The following NHSL1 variants were observed in gnomAD, a reference collection of about 807,000 sequenced individuals.
The protein encoded by NHSL1 is NHS like 1.
NHSL1 carries 48 observed loss-of-function variants against 95.0 expected under a neutral mutation model. That is an observed-to-expected ratio of 0.51 (90% CI 0.40 to 0.64). The LOEUF is 0.64. Ranked by LOEUF, NHSL1 falls within the 30% of genes least tolerant of loss-of-function variation. NHSL1 has a pLI of 0.00. For synonymous variants in NHSL1, 783 were observed against 833.9 expected (o/e 0.94, Z 1.05); for missense variants, 1,971 against 2,077.7 (o/e 0.95, Z 1.00).
chr6:138,433,691 A>G lies in NHSL1; in HGVS notation c.665-11T>C. 1 of 1,510,922 alleles carries G rather than the reference A, an allele frequency of 6.6e-7. No homozygotes were observed. Among genetic ancestry groups the G allele is most frequent in the Non-Finnish European group, 8.9e-7 (1 of 1,121,490 alleles). The allele number at this position is 1,510,922 out of a possible 1,614,324, so 93.6% of individuals were successfully genotyped here. A position where few individuals can be genotyped will look rare whatever the true frequency, so the allele number is the denominator to read the frequency against. On this transcript the variant is annotated splice_polypyrimidine_tract_variant and intron_variant, in intron 5 of 7. Transcript: ENST00000343505. ...GGCCAGTGCCTGATGCTGGAGATAA[A>G]GCAGAAAGAGGCTTGTTACCTGAAA...
At chr6:138,588,084 C>T (rs1310776671) in intron 1 of NHSL1, among the ~76,000 whole-genome samples, 2 of 152,260 alleles carry the variant, frequency 1.3e-5, no homozygotes, top group African/African-American at 4.8e-5. Context: ...CTAGCAGGTA[C>T]TCCATAAAAC....
chr6:138,533,273 A>T (rs1023197013), intron 1 of NHSL1, among the ~76,000 whole-genome samples: 1 of 152,200 alleles, frequency 6.6e-6, no homozygotes, highest in African/African-American at 2.4e-5. Flanking sequence ...TTATTATTTT[A>T]AAAAATTACT....
At chr6:138,576,143 CT>C (rs1420489783), upstream of NHSL1, among the ~76,000 whole-genome samples, 1 of 152,106 alleles carries the variant, frequency 6.6e-6, no homozygotes, top group African/African-American at 2.4e-5. Context: ...AGGCGCGCAT[CT>C]CCACGCCTGG....
chr6:138,544,473 A>G (rs1334063234), intron 1 of NHSL1, among the ~76,000 whole-genome samples: 1 of 152,042 alleles, frequency 6.6e-6, no homozygotes, highest in African/African-American at 2.4e-5. Flanking sequence ...CTACTATATA[A>G]AGGAATATCC....
At chr6:138,604,397 T>C (rs1436204897) in intron 1 of NHSL1, among the ~76,000 whole-genome samples, 1 of 152,194 alleles carries the variant, frequency 6.6e-6, no homozygotes, top group Non-Finnish European at 1.5e-5. Flanking sequence ...GGATACTTTC[T>C]GCAGAAAACA....
chr6:138,433,828 A>C, intron 5 of NHSL1, 148 bp from the exon 6 acceptor site: 5 of 1,209,066 alleles, frequency 4.1e-6, no homozygotes, highest in Non-Finnish European at 5.4e-6. Flanking sequence ...TACATTTAAA[A>C]AGTTACTGAT....
intron 1 of NHSL1, among the ~76,000 whole-genome samples, chr6:138,626,824 G>A (rs1443246574): frequency 9.8e-5 from 7 of 71,076 alleles, no homozygotes; most frequent in Admixed American, 3.8e-4. Flanking sequence ...AACCCGGGAG[G>A]CGGAGCTTGC....
At chr6:138,649,690 TAA>T (rs769987344) in intron 1 of NHSL1, among the ~76,000 whole-genome samples, 4 of 152,110 alleles carry the variant, frequency 2.6e-5, no homozygotes, top group Admixed American at 6.5e-5. Flanking sequence ...TGCCCTCATA[TAA>T]AAAGAGTAGT....
rs775509981 is a variant in NHSL1, at chr6:138,524,085, G to A, written c.16+21538C>T. On this transcript the variant is annotated intron_variant, in intron 1 of 4. Transcript: ENST00000342260. ...TCCAAAGGCCTTAAGCTTGCCAAGT[G>A]GTGGGGTGGGAATTCAAGCCAGGTC... Among the ~76,000 whole-genome samples, 3 of 152,116 alleles carry A rather than the reference G, an allele frequency of 2.0e-5. 1 individual carries two copies. The East Asian group carries it at 5.8e-4, about 29-fold the overall frequency.
At chr6:138,656,214 T>A (rs1382378821) in intron 1 of NHSL1, among the ~76,000 whole-genome samples, 2 of 152,242 alleles carry the variant, frequency 1.3e-5, no homozygotes, top group Non-Finnish European at 2.9e-5. Context: ...ACCCAAGACC[T>A]CTGATAATTT....
At chr6:138,570,321 A>G (rs550307172) in intron 1 of NHSL1, among the ~76,000 whole-genome samples, 28 of 152,196 alleles carry the variant, frequency 1.8e-4, no homozygotes, top group African/African-American at 6.8e-4. Context: ...CCACCCTCCA[A>G]ACATTTTTGT....
At chr6:138,648,044 A>G (rs940522166) in intron 1 of NHSL1, among the ~76,000 whole-genome samples, 8 of 152,160 alleles carry the variant, frequency 5.3e-5, no homozygotes, top group African/African-American at 7.2e-5. Flanking sequence ...AATCTCTTCA[A>G]TTTCATTGTT....
At position 138,431,814 on chromosome 6, in the gene NHSL1, C is replaced by G. The variant is rs146498855; in HGVS notation, c.2531G>C (p.Arg844Thr). ...PKIMSPEKSHRVISPSSGYSS... is the reference protein window; with the variant it reads ...PKIMSPEKSHTVISPSSGYSS... ...ATACCCACTGGATGGAGAAATGACT[C>G]TGTGTGACTTCTCTGGTGACATGAT... The change falls in exon 6 of 8, where the codon AGA becomes ACA. Residue 844 changes from arginine (R) to threonine (T), a missense_variant. Arg to Thr is a moderately conservative substitution (Grantham distance 71, BLOSUM62 -1). Coordinates refer to ENST00000343505, the MANE Select transcript of NHSL1 (RefSeq NM_001144060.2). This position sits in a 1 kb window ranked among gnomAD's most constrained non-coding sequence, Gnocchi z 4.0. The G allele has an allele frequency of 7.2e-5, 112 of 1,551,716 alleles. No individual in the cohort carries two copies. In the Admixed American group the frequency reaches 1.2e-3, roughly 16 times the overall value.
chr6:138,545,496 A>T, intron 1 of NHSL1: 1 of 615,986 alleles, frequency 1.6e-6, no homozygotes, highest in Non-Finnish European at 2.5e-6. Context: ...TTTCACTTTC[A>T]TACTTACAAA....
intron 4 of NHSL1, 174 bp downstream of exon 4, chr6:138,446,827 T>C: frequency 1.6e-6 from 1 of 632,806 alleles, no homozygotes. Context: ...GCAGTAGACA[T>C]TTTATATGCA....
In NHSL1 at chr6:138,430,096, C is replaced by T. The variant is rs984941956; in HGVS notation, c.3953-253G>A. Among the ~76,000 whole-genome samples, 1 of 152,184 alleles carries T rather than the reference C, an allele frequency of 6.6e-6. No individual in the cohort carries two copies. The highest frequency in any genetic ancestry group is 2.4e-5 in the African/African-American group (1 of 41,436). On this transcript the variant is annotated intron_variant, in intron 6 of 7. Coordinates refer to ENST00000343505, the MANE Select transcript of NHSL1 (RefSeq NM_001144060.2). This position sits in a 1 kb window ranked among gnomAD's most constrained non-coding sequence, Gnocchi z 4.7. The stretch of plus-strand genomic sequence containing the variant: ...TAAATTTTGTTGCAACGTTTCTTTG[C>T]GCGGCTCTTCGGAAGGGAGGTGTTA...
intron 1 of NHSL1, among the ~76,000 whole-genome samples, chr6:138,673,453 C>G (rs893685225): frequency 1.5e-4 from 20 of 135,868 alleles, no homozygotes; most frequent in African/African-American, 5.1e-4. Flanking sequence ...TTCATTTTTA[C>G]AGCTACAAAA....
At chr6:138,481,895 C>A (rs1779436030) in intron 2 of NHSL1, among the ~76,000 whole-genome samples, 1 of 152,106 alleles carries the variant, frequency 6.6e-6, no homozygotes, top group Admixed American at 6.5e-5. Flanking sequence ...ACTTAGCATT[C>A]AAAGTAACAT....
chr6:138,451,374 A>G (rs1777228173), intron 3 of NHSL1, among the ~76,000 whole-genome samples: 1 of 152,016 alleles, frequency 6.6e-6, no homozygotes, highest in African/African-American at 2.4e-5. Flanking sequence ...TTAACTGTTC[A>G]TCCTATTCAA....
Sources: allele counts gnomAD v4.1 joint callset (sites outside exome capture counted in the v4.1 genomes callset), GRCh38; gene constraint gnomAD v4.1.1; non-coding constraint Gnocchi (gnomAD v3.1); transcripts MANE v1.5; gene names NCBI Gene and HGNC (gene_info 2026-07-23, HGNC 2026-07-21).